The following TMEM233 variants were observed in gnomAD, a reference collection of about 807,000 sequenced individuals.
The protein encoded by TMEM233 is transmembrane protein 233.
A neutral mutation model predicts 11.2 loss-of-function variants in TMEM233; 6 were observed. The ratio of observed to expected loss-of-function variants is 0.54; its 90% confidence interval spans 0.29 to 1.06. The LOEUF (loss-of-function observed/expected upper bound fraction) is 1.06, where lower values mean the gene tolerates loss of function less well. TMEM233 is among the 50% of genes least tolerant of loss of function. TMEM233 has a pLI of 0.08. For missense variants in TMEM233, 127 were observed against 144.7 expected, an observed-to-expected ratio of 0.88 and a Z score of 0.63; for synonymous variants, 59 against 55.8, an observed-to-expected ratio of 1.06 and a Z score of -0.26.
chr12:119,615,447 A>C (rs975672719), intron 1 of TMEM233, among the ~76,000 whole-genome samples: 2 of 151,662 alleles, frequency 1.3e-5, no homozygotes, highest in African/African-American at 2.4e-5. Flanking sequence ...AAAAACTTTC[A>C]AAAAAAAATT....
chr12:119,625,138 A>C (rs1314234673), intron 1 of TMEM233, among the ~76,000 whole-genome samples: 1 of 152,198 alleles, frequency 6.6e-6, no homozygotes, highest in Non-Finnish European at 1.5e-5. Flanking sequence ...TTGCTGACTA[A>C]GGTGGCCCAG....
Position 119,601,636 on chromosome 12 carries a change from C to T in TMEM233, c.186+7602C>T, listed in dbSNP as rs148008236. Among the ~76,000 whole-genome samples, 509 of 131,518 alleles carry T rather than the reference C, an allele frequency of 3.9e-3. 1 individual carries two copies. The highest frequency in any genetic ancestry group is 0.014 in the African/African-American group (491 of 34,140). The allele number at this position is 131,518 out of a possible 152,430, so 86.3% of individuals were successfully genotyped here. On this transcript the variant is annotated intron_variant, in intron 1 of 2. Coordinates refer to ENST00000426426, the MANE Select transcript of TMEM233 (RefSeq NM_001136534.3). Reference sequence around the variant, plus strand: ...TCGCGCCACTGCACTCCAGCCTGGGCGACAGAGCGAGATTCCGCCTCAAAA... The same window carrying T: ...TCGCGCCACTGCACTCCAGCCTGGGTGACAGAGCGAGATTCCGCCTCAAAA...
Position 119,640,845 on chromosome 12 carries a change from C to T in TMEM233, c.*140C>T. The T allele has an allele frequency of 1.7e-6, 1 of 576,768 alleles. No individual in the cohort carries two copies. The highest frequency in any genetic ancestry group is 2.4e-6 in the Non-Finnish European group (1 of 420,350). 35.7% of individuals were successfully genotyped at this position (576,768 alleles called of 1,614,324 possible). On this transcript the variant is annotated 3_prime_UTR_variant, in exon 3 of 3. Transcript: ENST00000426426. ...GGACTCTCCAGAGGCAGGTCCCTGGCAAATGAACAAGAAAAAAAAAAAAAA... is the reference window on the plus strand; with the variant it reads ...GGACTCTCCAGAGGCAGGTCCCTGGTAAATGAACAAGAAAAAAAAAAAAAA...
intron 2 of TMEM233, among the ~76,000 whole-genome samples, chr12:119,634,481 C>T (rs564658906): frequency 2.6e-5 from 4 of 152,010 alleles, no homozygotes; most frequent in South Asian, 2.1e-4. Flanking sequence ...GGTTTGGTGG[C>T]GCATACCTGT....
chr12:119,629,409 CAA>C (rs56377138), intron 1 of TMEM233, among the ~76,000 whole-genome samples: 885 of 27,994 alleles, frequency 0.032, 7 homozygotes, highest in African/African-American at 0.063. Flanking sequence ...GACTCTGTCT[CAA>C]AAAAAAAAAG....
chr12:119,650,951 C>T, the TMEM233 span, among the ~76,000 whole-genome samples: 5 of 152,058 alleles, frequency 3.3e-5, no homozygotes, highest in Non-Finnish European at 7.4e-5. Context: ...CCTGCTTATT[C>T]GATATTTAAG....
intron 1 of TMEM233, among the ~76,000 whole-genome samples, chr12:119,620,700 CA>C (rs1169286861): frequency 1.4e-4 from 22 of 151,872 alleles, no homozygotes; most frequent in African/African-American, 5.3e-4. Context: ...CCCAAGAATA[CA>C]AGGATGATGT....
chr12:119,649,885 G>A, the TMEM233 span, among the ~76,000 whole-genome samples: 2 of 146,136 alleles, frequency 1.4e-5, no homozygotes, highest in African/African-American at 5.3e-5. Context: ...AGGGCCGGGC[G>A]CGTTGGCTCA....
rs563188873 is a variant in TMEM233 at position 119,595,009 on chromosome 12, G to C, written c.186+975G>C. ...ACGTGCGGCTCCGCCCGCCCTCTGC[G>C]CTCAGACCTCCCGAGCTGCCCGCCT... On this transcript the variant is annotated intron_variant, in intron 1 of 2. Transcript: ENST00000426426. This position sits in a 1 kb window ranked among gnomAD's most constrained non-coding sequence, Gnocchi z 4.3. Among the ~76,000 whole-genome samples, 10 of 152,306 alleles carry C rather than the reference G, an allele frequency of 6.6e-5. No individual in the cohort carries two copies. The highest frequency in any genetic ancestry group is 2.2e-4 in the African/African-American group (9 of 41,574).
rs994171986 is a variant in TMEM233 at position 119,642,546 on chromosome 12, GC to G, written c.*1844del. ...CTGAGAGTCAATACCTAGTTCCAAC[GC>G]CCTTTTGTTTTTGCAGGGTTTTTAT... On this transcript the variant is annotated 3_prime_UTR_variant, in exon 3 of 3. Coordinates refer to ENST00000426426, the MANE Select transcript of TMEM233 (RefSeq NM_001136534.3). The G allele has an allele frequency of 2.6e-5, 4 of 152,124 alleles. No homozygotes were observed. Among genetic ancestry groups the G allele is most frequent in the African/African-American group, 7.2e-5 (3 of 41,432 alleles). 9.4% of individuals were successfully genotyped at this position (152,124 alleles called of 1,614,324 possible).
chr12:119,648,505 G>A, the TMEM233 span, among the ~76,000 whole-genome samples: 1 of 152,164 alleles, frequency 6.6e-6, no homozygotes, highest in Non-Finnish European at 1.5e-5. Flanking sequence ...TCTCTGATAT[G>A]CCAACGTTTC....
chr12:119,617,930 T>C (rs1032315734), intron 1 of TMEM233, among the ~76,000 whole-genome samples: 1 of 152,076 alleles, frequency 6.6e-6, no homozygotes, highest in Non-Finnish European at 1.5e-5. Flanking sequence ...ATGGGAAAAA[T>C]GTCTCCATGG....
intron 1 of TMEM233, among the ~76,000 whole-genome samples, chr12:119,619,590 A>T (rs141905105): frequency 1.3e-3 from 197 of 152,084 alleles, no homozygotes; most frequent in Non-Finnish European, 2.3e-3. Flanking sequence ...GCAGTGAGCC[A>T]AGATCATGCC....
At chr12:119,647,205 C>A (rs77109405), downstream of TMEM233, among the ~76,000 whole-genome samples, 86 of 152,244 alleles carry the variant, frequency 5.6e-4, 1 homozygote, top group East Asian at 0.016. Context: ...CTTTAAAATC[C>A]AAACTTTTTT....
intron 1 of TMEM233, among the ~76,000 whole-genome samples, chr12:119,626,366 A>G (rs1301466623): frequency 6.6e-6 from 1 of 151,666 alleles, no homozygotes; most frequent in Non-Finnish European, 1.5e-5. Flanking sequence ...GCTACTCAGG[A>G]GGCTGAGGCG....
chr12:119,653,324 A>C, the TMEM233 span, among the ~76,000 whole-genome samples: 1 of 142,034 alleles, frequency 7.0e-6, no homozygotes, highest in Non-Finnish European at 1.5e-5. Flanking sequence ...CCTGGGAGGC[A>C]GAGGTTGCAG....
At chr12:119,639,792 AG>A (rs771475335) in intron 2 of TMEM233, among the ~76,000 whole-genome samples, 1 of 152,146 alleles carries the variant, frequency 6.6e-6, no homozygotes, top group Non-Finnish European at 1.5e-5. Context: ...CCTATCTCAT[AG>A]GGCTGTGAGG....
intron 2 of TMEM233, among the ~76,000 whole-genome samples, chr12:119,640,176 A>T (rs952354599): frequency 7.8e-6 from 1 of 127,744 alleles, no homozygotes; most frequent in Non-Finnish European, 1.7e-5. Context: ...GTTTTTTGAG[A>T]TGGAGTCTTG....
Position 119,629,864 on chromosome 12 carries a change from C to T in TMEM233, c.315C>T (p.Phe105=). 6.5e-7 allele frequency: 1 copy of T among 1,550,166 alleles called. No individual in the cohort carries two copies. The highest frequency in any genetic ancestry group is 8.7e-7 in the Non-Finnish European group (1 of 1,146,540). The change falls in exon 2 of 3, where the codon TTC becomes TTT. Residue 105 remains phenylalanine (F), a synonymous_variant. Coordinates refer to ENST00000426426, the MANE Select transcript of TMEM233 (RefSeq NM_001136534.3). ...TCGGCATTTCTTGTGCAGTTCACTTCACAAGGAAGTAAGTAGGCTTTTTGA... is the reference window on the plus strand; with the variant it reads ...TCGGCATTTCTTGTGCAGTTCACTTTACAAGGAAGTAAGTAGGCTTTTTGA... ...LIIGISCAVH[F]TRNA
Sources: allele counts gnomAD v4.1 joint callset (sites outside exome capture counted in the v4.1 genomes callset), GRCh38; gene constraint gnomAD v4.1.1; non-coding constraint Gnocchi (gnomAD v3.1); transcripts MANE v1.5; gene names NCBI Gene and HGNC (gene_info 2026-07-23, HGNC 2026-07-21).